CRIM1: variants seen among roughly 807,000 people sequenced by gnomAD.
CRIM1 encodes the protein cysteine-rich motor neuron 1 protein.
Under a neutral mutation model 116.4 loss-of-function variants are expected in CRIM1, and 32 were observed. The ratio of observed to expected loss-of-function variants is 0.27; its 90% CI spans 0.21 to 0.37. The LOEUF is 0.37. Ranked by LOEUF, CRIM1 falls within the 10% of genes least tolerant of loss-of-function variation. CRIM1 has a pLI of 1.00. For missense variants in CRIM1, 1,331 were observed against 1,354.8 expected, an observed-to-expected ratio of 0.98 and a Z score of 0.28; for synonymous variants, 590 against 509.2, an observed-to-expected ratio of 1.16 and a Z score of -2.13.
Position 36,518,216 on chromosome 2 carries a change from G to A in CRIM1, c.2206+674G>A, listed in dbSNP as rs911223717. 2.0e-5 allele frequency among the ~76,000 whole-genome samples: 3 copies of A among 152,052 alleles called. No individual in the cohort carries two copies. The East Asian group carries it at 5.8e-4, about 29-fold the overall frequency. On this transcript the variant is annotated intron_variant, in intron 12 of 16. Transcript: ENST00000280527. ...AAGTTACTGGTTTTATATAACTTTA[G>A]TAGTACTTTTAATTAATACTAGATG...
At chr2:36,480,564 GT>G (rs1679331120) in intron 7 of CRIM1, among the ~76,000 whole-genome samples, 1 of 152,122 alleles carries the variant, frequency 6.6e-6, no homozygotes, top group Non-Finnish European at 1.5e-5. Flanking sequence ...TTTCCAGAAA[GT>G]CAGTTAAGTA....
intron 2 of CRIM1, among the ~76,000 whole-genome samples, chr2:36,433,373 G>T (rs970376766): frequency 2.6e-5 from 4 of 152,192 alleles, no homozygotes; most frequent in African/African-American, 9.7e-5. Flanking sequence ...GATTCCTAGA[G>T]GCACGGTGGG....
At chr2:36,457,526 A>AG (rs1289232473) in intron 4 of CRIM1, among the ~76,000 whole-genome samples, 6 of 152,142 alleles carry the variant, frequency 3.9e-5, no homozygotes, top group African/African-American at 1.2e-4. Flanking sequence ...TGTCAGTGTT[A>AG]GGGGGTGTAA....
At chr2:36,529,403 T>TAA (rs1665968693) in intron 13 of CRIM1, 1 of 230,444 alleles carries the variant, frequency 4.3e-6, no homozygotes, top group Non-Finnish European at 9.0e-6. Context: ...TTGCTTCTTT[T>TAA]AAGTCCTAAA....
At chr2:36,359,215 C>T (rs988389333) in intron 1 of CRIM1, among the ~76,000 whole-genome samples, 8 of 152,128 alleles carry the variant, frequency 5.3e-5, no homozygotes, top group Non-Finnish European at 7.3e-5. Flanking sequence ...ACTAAAATGA[C>T]CCCTACTGGT....
intron 1 of CRIM1, among the ~76,000 whole-genome samples, chr2:36,392,547 AAG>A (rs1671695820): frequency 6.6e-6 from 1 of 152,220 alleles, no homozygotes; most frequent in Non-Finnish European, 1.5e-5. Flanking sequence ...TACTTAGGAA[AAG>A]AGAGATTTTA....
chr2:36,471,761 C>CACACACACACACACA lies in CRIM1; in HGVS notation c.992-5127_992-5126insCACACACACACACAA, dbSNP rs72156127. Among the ~76,000 whole-genome samples the CACACACACACACACA allele has an allele frequency of 2.5e-3, 316 of 128,656 alleles. 1 individual carries two copies. Among genetic ancestry groups the CACACACACACACACA allele is most frequent in the African/African-American group, 8.0e-3 (286 of 35,586 alleles). 84.4% of individuals were successfully genotyped at this position (128,656 alleles called of 152,430 possible). ...CACACACACACACACACACACACAC[C>CACACACACACACACA]ATCTTACAATGTTTTAAGAAAGTTT... On this transcript the variant is annotated intron_variant, in intron 5 of 16. Coordinates refer to ENST00000280527, the MANE Select transcript of CRIM1 (RefSeq NM_016441.3).
chr2:36,518,940 A>G (rs964046912), intron 12 of CRIM1, among the ~76,000 whole-genome samples: 1 of 152,246 alleles, frequency 6.6e-6, no homozygotes, highest in Admixed American at 6.5e-5. Context: ...GAAAACAGAC[A>G]TGATTCCTGT....
At position 36,476,953 on chromosome 2, in the gene CRIM1, C is replaced by T; in HGVS notation, c.1056C>T (p.Asp352=). The T allele has an allele frequency of 6.2e-7, 1 of 1,613,990 alleles. No individual in the cohort carries two copies. The highest frequency in any genetic ancestry group is 1.1e-5 in the South Asian group (1 of 91,082). ...ATGATGGAGACATGTTTCGAATGGA[C>T]AACTGTCGGTTCTGTCGATGCCAAG... The part of the protein sequence containing the change: ...EYYDGDMFRM[D]NCRFCRCQGG... The change falls in exon 6 of 17, where the codon GAC becomes GAT. Residue 352 remains aspartate (D), a synonymous_variant. Transcript: ENST00000280527.
intron 8 of CRIM1, among the ~76,000 whole-genome samples, chr2:36,506,929 C>T (rs994550506): frequency 6.6e-6 from 1 of 151,974 alleles, no homozygotes; most frequent in Admixed American, 6.6e-5. Flanking sequence ...GCAGTCACAG[C>T]TCTCACTGCA....
chr2:36,421,146 T>A (rs1674033384), intron 2 of CRIM1, among the ~76,000 whole-genome samples: 1 of 152,248 alleles, frequency 6.6e-6, no homozygotes. Context: ...ACATGAGTGC[T>A]TATATTCTTA....
chr2:36,456,471 G>T (rs535087223), intron 4 of CRIM1, among the ~76,000 whole-genome samples: 1 of 152,204 alleles, frequency 6.6e-6, no homozygotes, highest in South Asian at 2.1e-4. Context: ...TCCACAGCGT[G>T]ATGTGCCAGT....
intron 5 of CRIM1, among the ~76,000 whole-genome samples, chr2:36,474,557 A>G (rs565719468): frequency 6.6e-6 from 1 of 152,258 alleles, no homozygotes; most frequent in East Asian, 1.9e-4. Context: ...AGATAATGCA[A>G]AAGACTTTCA....
chr2:36,549,556 T>C lies in CRIM1; in HGVS notation c.*855T>C, dbSNP rs1667602081. 6.6e-6 allele frequency: 1 copy of C among 152,502 alleles called. No individual in the cohort carries two copies. The highest frequency in any genetic ancestry group is 6.5e-5 in the Admixed American group (1 of 15,272). 9.4% of individuals were successfully genotyped at this position (152,502 alleles called of 1,614,324 possible). A position where few individuals can be genotyped will look rare whatever the true frequency, so the allele number is the denominator to read the frequency against. ...TTTCCAGGGGCTATATTTCACTGTTTGTTGTTGCTTTGTTCTGTTATATTG... is the reference window on the plus strand; with the variant it reads ...TTTCCAGGGGCTATATTTCACTGTTCGTTGTTGCTTTGTTCTGTTATATTG... On this transcript the variant is annotated 3_prime_UTR_variant, in exon 17 of 17. Coordinates refer to ENST00000280527, the MANE Select transcript of CRIM1 (RefSeq NM_016441.3).
At chr2:36,431,243 A>G (rs1674866768) in intron 2 of CRIM1, among the ~76,000 whole-genome samples, 1 of 152,200 alleles carries the variant, frequency 6.6e-6, no homozygotes, top group Non-Finnish European at 1.5e-5. Flanking sequence ...GTGTGTGTGT[A>G]TATGTATATA....
intron 1 of CRIM1, among the ~76,000 whole-genome samples, chr2:36,394,476 A>G (rs557944298): frequency 1.3e-5 from 2 of 152,108 alleles, no homozygotes; most frequent in Non-Finnish European, 2.9e-5. Context: ...AATTTTTTCA[A>G]TATGGTGTTT....
At chr2:36,382,695 G>T (rs981645729) in intron 1 of CRIM1, among the ~76,000 whole-genome samples, 2 of 152,232 alleles carry the variant, frequency 1.3e-5, no homozygotes, top group Non-Finnish European at 2.9e-5. Flanking sequence ...CTGCAGCTGA[G>T]TTGGCCTGTG....
At chr2:36,376,356 G>A (rs187458658) in intron 1 of CRIM1, among the ~76,000 whole-genome samples, 80 of 152,352 alleles carry the variant, frequency 5.3e-4, no homozygotes, top group Admixed American at 1.2e-3. Flanking sequence ...AAGCCTCCGT[G>A]ACCTGTGTAA....
intron 7 of CRIM1, among the ~76,000 whole-genome samples, chr2:36,486,345 T>C (rs1398394721): frequency 6.6e-6 from 1 of 152,238 alleles, no homozygotes; most frequent in Non-Finnish European, 1.5e-5. Flanking sequence ...GGAGTTCTGC[T>C]GCTGGTTCTC....
Sources: allele counts gnomAD v4.1 joint callset (sites outside exome capture counted in the v4.1 genomes callset), GRCh38; gene constraint gnomAD v4.1.1; transcripts MANE v1.5; gene names NCBI Gene and HGNC (gene_info 2026-07-23, HGNC 2026-07-21).